Variants in EPS8 observed in about 807,000 individuals in gnomAD.
EPS8 encodes the protein epidermal growth factor receptor kinase substrate 8.
A neutral mutation model predicts 103.8 loss-of-function variants in EPS8; 42 were observed. The ratio of observed to expected loss-of-function variants is 0.40; its 90% CI spans 0.32 to 0.52. EPS8 has a LOEUF of 0.52. EPS8 is among the 20% of genes least tolerant of loss of function. The pLI, the probability that EPS8 is intolerant of heterozygous loss-of-function variation, is 0.40. For synonymous variants in EPS8, 344 were observed against 344.6 expected, an observed-to-expected ratio of 1.00 and a Z score of 0.02; for missense variants, 969 against 1,005.1, an observed-to-expected ratio of 0.96 and a Z score of 0.49.
Position 15,675,076 on chromosome 12 carries a change from A to T in EPS8, c.137-4153T>A, listed in dbSNP as rs1210148534. On this transcript the variant is annotated intron_variant, in intron 3 of 20. Transcript: ENST00000281172. ...ATGAAAAGGACAACATATGGAATGG[A>T]TATGTGTTAAGAAAAATTCAGGAAC... Among the ~76,000 whole-genome samples the T allele has an allele frequency of 2.6e-5, 4 of 152,222 alleles. No homozygotes were observed. The East Asian group carries it at 7.7e-4, about 29-fold the overall frequency.
chr12:15,686,486 T>C (rs1946097524), intron 1 of EPS8, among the ~76,000 whole-genome samples: 1 of 152,200 alleles, frequency 6.6e-6, no homozygotes, highest in Non-Finnish European at 1.5e-5. Context: ...TCGTAGTTAC[T>C]ATAATTTTAT....
chr12:15,728,447 G>A lies in EPS8; in HGVS notation c.-21-45475C>T, dbSNP rs930391510. Among the ~76,000 whole-genome samples, 29 of 152,190 alleles carry A rather than the reference G, an allele frequency of 1.9e-4. No individual in the cohort carries two copies. Among genetic ancestry groups the A allele is most frequent in the Non-Finnish European group, 1.0e-4 (7 of 68,002 alleles). ...AACACTGGATCCCGACTCATGGAAG[G>A]GTCATCTGTTCCTCACTACAAAGAA... On this transcript the variant is annotated intron_variant, in intron 1 of 20. Transcript: ENST00000281172. This position sits in a 1 kb window ranked among gnomAD's most constrained non-coding sequence, Gnocchi z 4.5.
intron 12 of EPS8, 187 bp downstream of exon 12, chr12:15,657,892 C>T (rs1945535612): frequency 3.6e-6 from 2 of 551,184 alleles, no homozygotes; most frequent in Non-Finnish European, 6.4e-6. Flanking sequence ...AAATAAGGTG[C>T]TTAAACTAGA....
chr12:15,651,923 G>C lies in EPS8; in HGVS notation c.1251-917C>G, dbSNP rs569766168. 2.6e-5 allele frequency among the ~76,000 whole-genome samples: 4 copies of C among 152,090 alleles called. No homozygotes were observed. In the East Asian group the frequency reaches 7.7e-4, roughly 29 times the overall value. ...AACAGCTAACAATATATTTCGTTTT[G>C]ATGTAGTTTTTTGAATGTTAATTAA... On this transcript the variant is annotated intron_variant, in intron 13 of 20. Coordinates refer to ENST00000281172, the MANE Select transcript of EPS8 (RefSeq NM_004447.6).
rs1198449729 is a variant in EPS8, at chr12:15,658,552, G to A, written c.971C>T (p.Pro324Leu). The A allele has an allele frequency of 1.9e-6, 3 of 1,613,216 alleles. No homozygotes were observed. Among genetic ancestry groups the A allele is most frequent in the South Asian group, 2.2e-5 (2 of 91,012 alleles). The change falls in exon 11 of 21, where the codon CCT becomes CTT. Residue 324 changes from proline to leucine, a missense_variant. Physicochemically the swap from Pro to Leu is moderately conservative, Grantham distance 98. Transcript: ENST00000281172. ...GVLTLRAKPP[P>L]PDEFLDCFQK... ...GAAACAGTCAAGAAATTCATCAGGA[G>A]GTGGAGGTTTTGCCCGCAGCGTTAA...
chr12:15,652,437 GA>G (rs1395878240), intron 13 of EPS8, among the ~76,000 whole-genome samples: 4 of 152,232 alleles, frequency 2.6e-5, no homozygotes, highest in African/African-American at 9.6e-5. Context: ...AGCTAGAAGA[GA>G]AAAATTCAAA....
In EPS8 at chr12:15,669,555, T is replaced by C; in HGVS notation, c.367-19A>G. On this transcript the variant is annotated intron_variant, in intron 5 of 20. Coordinates refer to ENST00000281172, the MANE Select transcript of EPS8 (RefSeq NM_004447.6). ...GTTCATTCTATAAATAAAGTGAACA[T>C]TTTATTTTGTCAAACTTCCATCCAT... 1 of 1,578,364 alleles carries C rather than the reference T, an allele frequency of 6.3e-7. No individual in the cohort carries two copies.
rs1295449145 is a variant in EPS8, at chr12:15,781,859, T to C, written c.-22+7302A>G. ...CATCACAGGGCAAGGGGGCTGAGTG[T>C]GCTCATGTGCTCACTCAAGTCTCTC... On this transcript the variant is annotated intron_variant, in intron 1 of 20. Coordinates refer to ENST00000281172, the MANE Select transcript of EPS8 (RefSeq NM_004447.6). This position sits in a 1 kb window ranked among gnomAD's most constrained non-coding sequence, Gnocchi z 4.1. The C allele has an allele frequency of 6.6e-6, 1 of 152,254 alleles. No individual in the cohort carries two copies. Among genetic ancestry groups the C allele is most frequent in the African/African-American group, 2.4e-5 (1 of 41,444 alleles). The allele number at this position is 152,254 out of a possible 1,614,324, so 9.4% of individuals were successfully genotyped here.
rs779118631 is a variant in EPS8 at position 15,725,006 on chromosome 12, T to C, written c.-21-42034A>G. Reference sequence around the variant, plus strand: ...TAAGTCTTCAGTTCACTTTGTCATTTTGAATTATGTCACAATGAAAAAAAT... The same window carrying C: ...TAAGTCTTCAGTTCACTTTGTCATTCTGAATTATGTCACAATGAAAAAAAT... On this transcript the variant is annotated intron_variant, in intron 1 of 20. Coordinates refer to ENST00000281172, the MANE Select transcript of EPS8 (RefSeq NM_004447.6). This position sits in a 1 kb window ranked among gnomAD's most constrained non-coding sequence, Gnocchi z 4.5. 4.1e-4 allele frequency among the ~76,000 whole-genome samples: 62 copies of C among 152,310 alleles called. 1 individual carries two copies. Among genetic ancestry groups the C allele is most frequent in the Admixed American group, 1.1e-3 (17 of 15,292 alleles).
intron 14 of EPS8, among the ~76,000 whole-genome samples, chr12:15,649,157 C>T (rs1329249049): frequency 2.0e-5 from 3 of 152,082 alleles, no homozygotes; most frequent in East Asian, 1.9e-4. Context: ...AATAATAACT[C>T]ATTACAAGTA....
At chr12:15,658,851 C>A (rs987935665) in intron 10 of EPS8, among the ~76,000 whole-genome samples, 1 of 152,086 alleles carries the variant, frequency 6.6e-6, no homozygotes, top group Non-Finnish European at 1.5e-5. Context: ...AGACATTGTG[C>A]AAGTGAGTAA....
chr12:15,656,829 C>A (rs1945515657), intron 12 of EPS8, among the ~76,000 whole-genome samples: 2 of 152,134 alleles, frequency 1.3e-5, no homozygotes, highest in Admixed American at 1.3e-4. Flanking sequence ...AATCATCACT[C>A]CATCCTGTTA....
chr12:15,643,869 C>G (rs1043784637), intron 15 of EPS8, among the ~76,000 whole-genome samples: 4 of 151,726 alleles, frequency 2.6e-5, no homozygotes, highest in African/African-American at 9.7e-5. Context: ...GACATAGAGA[C>G]AGCAGTAATT....
At chr12:15,653,856 T>C (rs1475347971) in intron 13 of EPS8, among the ~76,000 whole-genome samples, 1 of 152,214 alleles carries the variant, frequency 6.6e-6, no homozygotes, top group Non-Finnish European at 1.5e-5. Context: ...CGATTTTAAA[T>C]GACAGCTCTT....
At chr12:15,765,287 C>G (rs901585178) in intron 1 of EPS8, among the ~76,000 whole-genome samples, 2 of 152,144 alleles carry the variant, frequency 1.3e-5, no homozygotes, top group African/African-American at 4.8e-5. Flanking sequence ...ATACAATAAA[C>G]TGTAGACTAC....
At chr12:15,722,921 A>G (rs1946612916) in intron 1 of EPS8, among the ~76,000 whole-genome samples, 1 of 152,030 alleles carries the variant, frequency 6.6e-6, no homozygotes, top group African/African-American at 2.4e-5. Flanking sequence ...GGAGCGACAC[A>G]TTCAGACTAC....
At chr12:15,723,011 A>G (rs1946614487) in intron 1 of EPS8, among the ~76,000 whole-genome samples, 1 of 151,870 alleles carries the variant, frequency 6.6e-6, no homozygotes, top group Non-Finnish European at 1.5e-5. Context: ...GTTTGAAAAA[A>G]AAAAACAAAC....
intron 1 of EPS8, among the ~76,000 whole-genome samples, chr12:15,699,809 T>C (rs1301164040): frequency 6.6e-6 from 1 of 152,196 alleles, no homozygotes; most frequent in Non-Finnish European, 1.5e-5. Flanking sequence ...TCCACTACTT[T>C]ATACTTCCCA....
At chr12:15,768,569 T>C (rs919637565) in intron 1 of EPS8, among the ~76,000 whole-genome samples, 9 of 152,152 alleles carry the variant, frequency 5.9e-5, no homozygotes, top group African/African-American at 2.2e-4. Flanking sequence ...AGTTGGGTTC[T>C]TGATACATTA....
Sources: gnomAD v4.1 joint callset for allele counts (sites outside exome capture counted in the v4.1 genomes callset) on GRCh38, gnomAD v4.1.1 for gene constraint, Gnocchi (gnomAD v3.1) non-coding constraint, MANE v1.5 for transcripts, NCBI Gene and HGNC (gene_info 2026-07-23, HGNC 2026-07-21) for gene names.